The following PCDHA9 variants were observed in gnomAD, a reference collection of about 807,000 sequenced individuals.
PCDHA9 encodes protocadherin alpha-9.
PCDHA9 carries 62 observed loss-of-function variants against 62.0 expected under a neutral mutation model. The observed-to-expected ratio is 1.00, with a 90% CI of 0.81 to 1.23. The LOEUF (loss-of-function observed/expected upper bound fraction) is 1.23, where lower values mean the gene tolerates loss of function less well. PCDHA9 is among the 50% of genes most tolerant of loss of function. PCDHA9 has a pLI of 0.00. For missense variants in PCDHA9, 1,205 were observed against 1,249.8 expected (o/e 0.96, Z 0.54); for synonymous variants, 557 against 567.6 (o/e 0.98, Z 0.27).
At chr5:140,888,321 A>G (rs2061786627) in intron 1 of PCDHA9, among the ~76,000 whole-genome samples, 1 of 152,176 alleles carries the variant, frequency 6.6e-6, no homozygotes, top group Non-Finnish European at 1.5e-5. Flanking sequence ...ATGCCTGGAT[A>G]CATTTTTGGT....
chr5:140,959,373 C>CA lies in PCDHA9; in HGVS notation c.2395-19566dup, dbSNP rs1243465116. Among the ~76,000 whole-genome samples the CA allele has an allele frequency of 8.3e-3, 1,208 of 145,190 alleles. 7 individuals carry two copies. Among genetic ancestry groups the CA allele is most frequent in the Admixed American group, 0.016 (228 of 14,544 alleles). ...GGGACAACTGAGTGAGACCCTGTCT[C>CA]AAAAAAAAAAGTCACAAATTAAGAT... On this transcript the variant is annotated intron_variant, in intron 1 of 3. Coordinates refer to ENST00000532602, the MANE Select transcript of PCDHA9 (RefSeq NM_031857.2).
At chr5:140,882,989 G>A (rs567590369) in intron 1 of PCDHA9, 3 of 1,614,130 alleles carry the variant, frequency 1.9e-6, no homozygotes, top group African/African-American at 1.3e-5. Context: ...CAACGCCCCG[G>A]AATTTTACCA....
chr5:140,972,661 T>C, intron 1 of PCDHA9, among the ~76,000 whole-genome samples: 1 of 48,668 alleles, frequency 2.1e-5, no homozygotes, highest in South Asian at 6.9e-4. Flanking sequence ...AGAAACCAAA[T>C]TTTTTTTTTT....
intron 1 of PCDHA9, among the ~76,000 whole-genome samples, chr5:140,937,805 G>A (rs1192616946): frequency 1.3e-5 from 2 of 149,798 alleles, no homozygotes; most frequent in African/African-American, 2.5e-5. Context: ...CCAGCTACTC[G>A]GGAAGCTGAG....
At chr5:140,982,097 C>A (rs1313290841) in intron 2 of PCDHA9, among the ~76,000 whole-genome samples, 1 of 152,194 alleles carries the variant, frequency 6.6e-6, no homozygotes, top group Non-Finnish European at 1.5e-5. Flanking sequence ...AACAAGAGAA[C>A]CTGCAAGAGA....
intron 1 of PCDHA9, chr5:140,869,327 T>C: frequency 6.2e-7 from 1 of 1,613,922 alleles, no homozygotes; most frequent in Non-Finnish European, 8.5e-7. Context: ...GGGGACCTTC[T>C]GGAGGTAAAT....
At chr5:140,882,407 C>A (rs368121978) in intron 1 of PCDHA9, 48 of 1,614,006 alleles carry the variant, frequency 3.0e-5, no homozygotes, top group Non-Finnish European at 1.3e-5. Flanking sequence ...CTTCGTGGGC[C>A]GCATCGCTCA....
At position 140,854,641 on chromosome 5, in the gene PCDHA9, C is replaced by T. The variant is rs1258483318; in HGVS notation, c.2394+3752C>T. The T allele has an allele frequency of 1.3e-5, 2 of 149,894 alleles. 1 individual carries two copies. Among genetic ancestry groups the T allele is most frequent in the Non-Finnish European group, 3.0e-5 (2 of 67,066 alleles). The allele number at this position is 149,894 out of a possible 1,614,324, so 9.3% of individuals were successfully genotyped here. A position where few individuals can be genotyped will look rare whatever the true frequency, so the allele number is the denominator to read the frequency against. ...ATATTCTTTAGAAAAGTCAAAACAT[C>T]ATTAAATAAAATAAATTAACCCTTG... is the stretch of plus-strand genomic sequence containing the variant. On this transcript the variant is annotated intron_variant, in intron 1 of 3. Transcript: ENST00000532602.
chr5:140,976,553 A>C (rs1554237789), intron 1 of PCDHA9, among the ~76,000 whole-genome samples: 1 of 152,074 alleles, frequency 6.6e-6, no homozygotes, highest in African/African-American at 2.4e-5. Flanking sequence ...CCTATCTCAT[A>C]AATAAATAAA....
At chr5:140,894,256 A>G (rs1554186008) in intron 1 of PCDHA9, among the ~76,000 whole-genome samples, 1 of 152,010 alleles carries the variant, frequency 6.6e-6, no homozygotes, top group African/African-American at 2.4e-5. Context: ...TTTTCTTTAC[A>G]AGTGGTAGCT....
intron 3 of PCDHA9, among the ~76,000 whole-genome samples, chr5:141,003,426 C>T (rs1316658550): frequency 1.3e-5 from 2 of 152,144 alleles, no homozygotes; most frequent in African/African-American, 4.8e-5. Context: ...ATTCTTATGC[C>T]TCAGCCTCCC....
At position 141,011,260 on chromosome 5, in the gene PCDHA9, C is replaced by T. The variant is rs2098420018; in HGVS notation, c.*1323C>T. On this transcript the variant is annotated 3_prime_UTR_variant, in exon 4 of 4. Coordinates refer to ENST00000532602, the MANE Select transcript of PCDHA9 (RefSeq NM_031857.2). ...TGACTTGTCTTGGTGTGCTAGCCTA[C>T]ACCTTCTCTTTGGTTTAGTTTTCCT... The T allele has an allele frequency of 6.5e-6, 1 of 153,766 alleles. No individual in the cohort carries two copies. The highest frequency in any genetic ancestry group is 6.5e-5 in the Admixed American group (1 of 15,278). 9.5% of individuals were successfully genotyped at this position (153,766 alleles called of 1,614,324 possible).
At chr5:140,993,462 TCACACACA>T (rs3836747) in intron 3 of PCDHA9, among the ~76,000 whole-genome samples, 8,792 of 140,974 alleles carry the variant, frequency 0.062, 316 homozygotes, top group South Asian at 0.11. Flanking sequence ...TCTTTCTTTC[TCACACACA>T]CACACACACA....
chr5:140,867,560 C>A (rs1352328708), intron 1 of PCDHA9: 1 of 152,070 alleles, frequency 6.6e-6, no homozygotes, highest in African/African-American at 2.4e-5. Context: ...CATATGATAA[C>A]TTTTTCATAT....
At chr5:140,953,950 A>G (rs1458991224) in intron 1 of PCDHA9, among the ~76,000 whole-genome samples, 1 of 151,936 alleles carries the variant, frequency 6.6e-6, no homozygotes, top group Non-Finnish European at 1.5e-5. Flanking sequence ...TTGCTCCCCC[A>G]ACAGGCCCCA....
At chr5:140,915,995 C>T (rs1256886751) in intron 1 of PCDHA9, among the ~76,000 whole-genome samples, 4 of 152,180 alleles carry the variant, frequency 2.6e-5, no homozygotes, top group African/African-American at 4.8e-5. Context: ...TAAGCTGGCA[C>T]TCAAACCACA....
intron 1 of PCDHA9, chr5:140,856,880 T>TA: frequency 6.3e-7 from 1 of 1,594,256 alleles, no homozygotes; most frequent in Non-Finnish European, 8.6e-7. Flanking sequence ...GGAAATGATG[T>TA]ATTCATTTAG....
At chr5:140,877,193 G>A (rs1554169443) in intron 1 of PCDHA9, 1 of 1,613,832 alleles carries the variant, frequency 6.2e-7, no homozygotes, top group Non-Finnish European at 8.5e-7. Context: ...GGCAGCGCAG[G>A]AGGCGCAGTT....
At chr5:140,996,087 G>C (rs1178912945) in intron 3 of PCDHA9, among the ~76,000 whole-genome samples, 3 of 152,200 alleles carry the variant, frequency 2.0e-5, no homozygotes, top group Non-Finnish European at 4.4e-5. Flanking sequence ...GTTTTTGCTA[G>C]ATTACATGGA....
Sources: allele counts gnomAD v4.1 joint callset (sites outside exome capture counted in the v4.1 genomes callset), GRCh38; gene constraint gnomAD v4.1.1; transcripts MANE v1.5; gene names NCBI Gene and HGNC (gene_info 2026-07-23, HGNC 2026-07-21).